Variants in SFT2D2 observed in about 807,000 individuals in gnomAD.
The protein encoded by SFT2D2 is vesicle transport protein SFT2B.
A neutral mutation model predicts 27.4 loss-of-function variants in SFT2D2; 21 were observed. That is an observed-to-expected ratio of 0.77 (90% CI 0.54 to 1.10). The LOEUF is 1.10. Among genes scored for constraint, SFT2D2 ranks in the 50% least tolerant of loss-of-function variants. SFT2D2 has a pLI of 0.00. For missense variants in SFT2D2, 187 were observed against 194.2 expected (o/e 0.96, Z 0.22); for synonymous variants, 72 against 71.7 (o/e 1.00, Z -0.02).
rs776619524 is a variant in SFT2D2 at position 168,252,407 on chromosome 1, T to C, written c.*9867T>C. 6.6e-6 allele frequency: 1 copy of C among 152,238 alleles called. No individual in the cohort carries two copies. Among genetic ancestry groups the C allele is most frequent in the Non-Finnish European group, 1.5e-5 (1 of 68,044 alleles). The allele number at this position is 152,238 out of a possible 1,614,324, so 9.4% of individuals were successfully genotyped here. A position where few individuals can be genotyped will look rare whatever the true frequency, so the allele number is the denominator to read the frequency against. On this transcript the variant is annotated 3_prime_UTR_variant, in exon 8 of 8. Transcript: ENST00000271375. The stretch of plus-strand genomic sequence containing the variant: ...CAGCTGGTATTTGGGTGAATGTTGT[T>C]GCTCTGTGCCTGTTGAATGTCCATG...
chr1:168,241,205 C>CTTTTTTTTTTTTT (rs11387591), intron 7 of SFT2D2, among the ~76,000 whole-genome samples: 27 of 100,144 alleles, frequency 2.7e-4, no homozygotes, highest in Non-Finnish European at 4.0e-4. Context: ...CCCTTCTATT[C>CTTTTTTTTTTTTT]TTTTTTTTTT....
chr1:168,241,887 A>G (rs968134214), intron 7 of SFT2D2, among the ~76,000 whole-genome samples: 2 of 152,198 alleles, frequency 1.3e-5, no homozygotes, highest in Non-Finnish European at 2.9e-5. Context: ...AACGTGGAAC[A>G]GAGCTGGGGT....
intron 4 of SFT2D2, 40 bp from the exon 5 acceptor site, chr1:168,236,549 A>G (rs1276239803): frequency 1.3e-6 from 2 of 1,582,214 alleles, no homozygotes; most frequent in African/African-American, 1.4e-5. Flanking sequence ...TTTTCCTGCC[A>G]TGTTATTGTC....
At chr1:168,229,913 G>A (rs1700496271) in intron 1 of SFT2D2, among the ~76,000 whole-genome samples, 1 of 152,182 alleles carries the variant, frequency 6.6e-6, no homozygotes, top group Non-Finnish European at 1.5e-5. Context: ...TCCAGGAGAG[G>A]TTTACCTCAG....
At chr1:168,233,759 A>C (rs1267844515) in intron 3 of SFT2D2, among the ~76,000 whole-genome samples, 1 of 152,132 alleles carries the variant, frequency 6.6e-6, no homozygotes, top group Non-Finnish European at 1.5e-5. Flanking sequence ...TATGGGCTGG[A>C]TTCTTCATAG....
At position 168,239,144 on chromosome 1, in the gene SFT2D2, TTC is replaced by T. The variant is rs1647581743; in HGVS notation, c.428_429del (p.Phe143TyrfsTer40). On this transcript the variant is annotated frameshift_variant, in exon 7 of 8. Transcript: ENST00000271375. LOFTEE classifies it high-confidence loss of function. ...SLALTWYSLS[F>X]IPFARDAVKK... ...TTTTCATTATAGGTACAGCCTTTCC[TTC>T]ATACCATTTGCAAGGTAAGACTGTG... is the stretch of plus-strand genomic sequence containing the variant. 9 of 1,607,496 alleles carry T rather than the reference TTC, an allele frequency of 5.6e-6. No individual in the cohort carries two copies. Among genetic ancestry groups the T allele is most frequent in the Non-Finnish European group, 7.7e-6 (9 of 1,173,922 alleles).
Position 168,246,689 on chromosome 1 carries a change from G to T in SFT2D2, c.*4149G>T, listed in dbSNP as rs1341447198. 9.0e-7 allele frequency: 1 copy of T among 1,105,564 alleles called. No individual in the cohort carries two copies. Among genetic ancestry groups the T allele is most frequent in the Non-Finnish European group, 1.4e-6 (1 of 739,896 alleles). The allele number at this position is 1,105,564 out of a possible 1,614,324, so 68.5% of individuals were successfully genotyped here. ...TCATGATCATGTAGAGCAACATTCAGTCTACGATGGTATGATTCCATTTCG... is the reference window on the plus strand; with the variant it reads ...TCATGATCATGTAGAGCAACATTCATTCTACGATGGTATGATTCCATTTCG... On this transcript the variant is annotated 3_prime_UTR_variant, in exon 8 of 8. Coordinates refer to ENST00000271375, the MANE Select transcript of SFT2D2 (RefSeq NM_199344.3).
chr1:168,252,445 A>G lies in SFT2D2; in HGVS notation c.*9905A>G, dbSNP rs981154111. ...TTGAATGTCCATGCTACAAGAAGTTATGAGCCTTGTTCTAAGTACAGATGA... is the reference window on the plus strand; with the variant it reads ...TTGAATGTCCATGCTACAAGAAGTTGTGAGCCTTGTTCTAAGTACAGATGA... On this transcript the variant is annotated 3_prime_UTR_variant, in exon 8 of 8. Coordinates refer to ENST00000271375, the MANE Select transcript of SFT2D2 (RefSeq NM_199344.3). 1 of 152,218 alleles carries G rather than the reference A, an allele frequency of 6.6e-6. No individual in the cohort carries two copies. Among genetic ancestry groups the G allele is most frequent in the East Asian group, 1.9e-4 (1 of 5,200 alleles). 9.4% of individuals were successfully genotyped at this position (152,218 alleles called of 1,614,324 possible).
intron 1 of SFT2D2, among the ~76,000 whole-genome samples, chr1:168,229,058 T>C (rs1387362037): frequency 2.0e-5 from 3 of 152,226 alleles, no homozygotes; most frequent in Non-Finnish European, 4.4e-5. Context: ...TGGTGAAATA[T>C]GCCCCCCACC....
intron 1 of SFT2D2, among the ~76,000 whole-genome samples, chr1:168,230,308 G>A (rs1378718454): frequency 1.3e-5 from 2 of 152,198 alleles, no homozygotes; most frequent in Non-Finnish European, 2.9e-5. Flanking sequence ...CACATTGCTA[G>A]ATGGAGACTA....
intron 1 of SFT2D2, among the ~76,000 whole-genome samples, chr1:168,229,445 A>G (rs969878208): frequency 2.0e-5 from 3 of 152,190 alleles, no homozygotes; most frequent in African/African-American, 4.8e-5. Context: ...AATCTTTTAA[A>G]ATTATCCGTG....
chr1:168,242,050 A>G lies in SFT2D2; in HGVS notation c.444-451A>G, dbSNP rs1572455994. On this transcript the variant is annotated intron_variant, in intron 7 of 7. Coordinates refer to ENST00000271375, the MANE Select transcript of SFT2D2 (RefSeq NM_199344.3). ...TAAATACCTGTGATAAGGCCATTAT[A>G]GCATATTAATAAGTGCTCAGGACCC... 2.0e-5 allele frequency among the ~76,000 whole-genome samples: 3 copies of G among 152,232 alleles called. No homozygotes were observed. In the South Asian group the frequency reaches 6.2e-4, roughly 32 times the overall value.
chr1:168,230,398 G>C (rs763437919), intron 1 of SFT2D2, among the ~76,000 whole-genome samples: 6 of 152,220 alleles, frequency 3.9e-5, no homozygotes, highest in Admixed American at 6.5e-5. Context: ...TACGGCAGCT[G>C]TCTTTGTCCA....
chr1:168,235,265 G>C lies in SFT2D2; in HGVS notation c.318+83G>C, dbSNP rs1647464605. ...GGATGTTTTTCTTTTTAAATCTAAAGACCTCTTCTCTTTTTCCGTTCAGCT... is the reference window on the plus strand; with the variant it reads ...GGATGTTTTTCTTTTTAAATCTAAACACCTCTTCTCTTTTTCCGTTCAGCT... On this transcript the variant is annotated intron_variant, in intron 4 of 7. Coordinates refer to ENST00000271375, the MANE Select transcript of SFT2D2 (RefSeq NM_199344.3). 5 of 1,322,372 alleles carry C rather than the reference G, an allele frequency of 3.8e-6. No homozygotes were observed. In the Admixed American group the frequency reaches 8.7e-5, roughly 23 times the overall value. The allele number at this position is 1,322,372 out of a possible 1,614,324, so 81.9% of individuals were successfully genotyped here. A position where few individuals can be genotyped will look rare whatever the true frequency, so the allele number is the denominator to read the frequency against.
chr1:168,226,415 G>C (rs528288676), intron 1 of SFT2D2, among the ~76,000 whole-genome samples: 10 of 152,268 alleles, frequency 6.6e-5, no homozygotes, highest in African/African-American at 2.2e-4. Context: ...GCGAGTGGGA[G>C]GGTGGGCGAC....
Position 168,239,244 on chromosome 1 carries a change from CT to C in SFT2D2, c.443+87del, listed in dbSNP as rs774773715. On this transcript the variant is annotated intron_variant, in intron 7 of 7. Transcript: ENST00000271375. ...AGAGAGTATAGCCTATTTTATTTAT[CT>C]TTACTGAAGTCTTTTGAGTCAAGTA... 4.6e-4 allele frequency: 500 copies of C among 1,085,712 alleles called. 1 individual carries two copies. Among genetic ancestry groups the C allele is most frequent in the Middle Eastern group, 1.1e-3 (4 of 3,552 alleles). The allele number at this position is 1,085,712 out of a possible 1,614,324, so 67.3% of individuals were successfully genotyped here. A position where few individuals can be genotyped will look rare whatever the true frequency, so the allele number is the denominator to read the frequency against.
chr1:168,248,152 T>C lies in SFT2D2; in HGVS notation c.*5612T>C, dbSNP rs1647868809. The C allele has an allele frequency of 6.6e-6, 1 of 152,268 alleles. No homozygotes were observed. The allele number at this position is 152,268 out of a possible 1,614,324, so 9.4% of individuals were successfully genotyped here. ...ACTCTGATGATAGTTTCTTTTGCTG[T>C]GCAGAAGCTCTTTGGTTTAATTAGA... On this transcript the variant is annotated 3_prime_UTR_variant, in exon 8 of 8. Transcript: ENST00000271375.
chr1:168,247,735 T>C lies in SFT2D2; in HGVS notation c.*5195T>C, dbSNP rs1339072554. The C allele has an allele frequency of 3.3e-5, 5 of 152,228 alleles. No individual in the cohort carries two copies. Among genetic ancestry groups the C allele is most frequent in the Admixed American group, 6.5e-5 (1 of 15,290 alleles). 9.4% of individuals were successfully genotyped at this position (152,228 alleles called of 1,614,324 possible). ...AAATGGTATTTCTAGTTCTAGATCCTTGAGGAATCGCCACACTGTCTTTCA... is the reference window on the plus strand; with the variant it reads ...AAATGGTATTTCTAGTTCTAGATCCCTGAGGAATCGCCACACTGTCTTTCA... On this transcript the variant is annotated 3_prime_UTR_variant, in exon 8 of 8. Transcript: ENST00000271375.
chr1:168,239,830 CTTTTTT>C (rs71557622), intron 7 of SFT2D2, among the ~76,000 whole-genome samples: 1 of 139,550 alleles, frequency 7.2e-6, no homozygotes, highest in African/African-American at 2.6e-5. Context: ...AACTTCTGTT[CTTTTTT>C]TTTTTTTTTT....
Sources: gnomAD v4.1 joint callset for allele counts (sites outside exome capture counted in the v4.1 genomes callset) on GRCh38, gnomAD v4.1.1 for gene constraint, MANE v1.5 for transcripts, NCBI Gene and HGNC (gene_info 2026-07-23, HGNC 2026-07-21) for gene names.